COL25A1: variants seen among roughly 807,000 people sequenced by gnomAD.
COL25A1 encodes collagen alpha-1(XXV) chain.
COL25A1 carries 103 observed loss-of-function variants against 128.4 expected under a neutral mutation model. That is an observed-to-expected ratio of 0.80 (90% CI 0.68 to 0.94). The LOEUF (loss-of-function observed/expected upper bound fraction) is 0.94. Among genes scored for constraint, COL25A1 ranks in the 40% least tolerant of loss-of-function variants. COL25A1 has a pLI of 0.00. For synonymous variants in COL25A1, 279 were observed against 277.2 expected (o/e 1.01, Z -0.06); for missense variants, 745 against 840.0 (o/e 0.89, Z 1.40).
At chr4:108,984,188 G>T (rs898245149) in intron 6 of COL25A1, among the ~76,000 whole-genome samples, 3 of 152,174 alleles carry the variant, frequency 2.0e-5, no homozygotes, top group African/African-American at 4.8e-5. Flanking sequence ...CACAAACCCT[G>T]ACCTAGACAC....
intron 13 of COL25A1, among the ~76,000 whole-genome samples, chr4:108,905,520 A>AAAAAAT (rs894420136): frequency 2.0e-5 from 3 of 150,654 alleles, no homozygotes; most frequent in Non-Finnish European, 4.4e-5. Flanking sequence ...TATAATAATA[A>AAAAAAT]AAAAATAAAA....
At chr4:108,961,961 C>T (rs1312638664) in intron 8 of COL25A1, among the ~76,000 whole-genome samples, 2 of 151,780 alleles carry the variant, frequency 1.3e-5, no homozygotes, top group Non-Finnish European at 2.9e-5. Flanking sequence ...ATTTTTCTTC[C>T]CCTGCCAATA....
chr4:108,905,394 T>C (rs973605049), intron 13 of COL25A1, among the ~76,000 whole-genome samples: 5 of 151,978 alleles, frequency 3.3e-5, no homozygotes, highest in Non-Finnish European at 5.9e-5. Flanking sequence ...TAATTTTGAA[T>C]AGATAGAGTT....
intron 3 of COL25A1, among the ~76,000 whole-genome samples, chr4:109,192,870 A>C (rs913484237): frequency 6.6e-6 from 1 of 151,950 alleles, no homozygotes; most frequent in Non-Finnish European, 1.5e-5. Flanking sequence ...AAAAAAAAAA[A>C]AGAAAAGGGA....
intron 8 of COL25A1, among the ~76,000 whole-genome samples, chr4:108,954,302 T>C (rs571439768): frequency 6.6e-6 from 1 of 152,248 alleles, no homozygotes; most frequent in East Asian, 1.9e-4. Context: ...TTGGTTTTAA[T>C]TTCCTAGTTG....
chr4:109,267,851 AC>A (rs1781894740), intron 3 of COL25A1, among the ~76,000 whole-genome samples: 1 of 152,174 alleles, frequency 6.6e-6, no homozygotes. Flanking sequence ...GAGATACTTG[AC>A]CTACATAAAA....
chr4:109,049,075 A>C (rs1305264580), intron 4 of COL25A1, among the ~76,000 whole-genome samples: 1 of 152,146 alleles, frequency 6.6e-6, no homozygotes, highest in Non-Finnish European at 1.5e-5. Flanking sequence ...ATAAATTTTC[A>C]CAAATGCTTT....
intron 3 of COL25A1, among the ~76,000 whole-genome samples, chr4:109,165,187 G>A (rs1470465579): frequency 1.3e-5 from 2 of 152,104 alleles, no homozygotes; most frequent in African/African-American, 2.4e-5. Context: ...TTAATAATCA[G>A]GAAAGGGCGA....
intron 6 of COL25A1, among the ~76,000 whole-genome samples, chr4:108,996,289 GAAA>G (rs1237222386): frequency 7.3e-5 from 1 of 13,690 alleles, no homozygotes; most frequent in African/African-American, 1.2e-4. Context: ...AAGCAAATGG[GAAA>G]AAAAAAAAAA....
At chr4:109,200,276 T>C (rs1240511178) in intron 3 of COL25A1, among the ~76,000 whole-genome samples, 1 of 152,194 alleles carries the variant, frequency 6.6e-6, no homozygotes, top group Non-Finnish European at 1.5e-5. Context: ...GGAGTTAACT[T>C]CTTTTCACTG....
chr4:108,935,845 A>T (rs768521583), intron 11 of COL25A1, among the ~76,000 whole-genome samples: 1 of 152,182 alleles, frequency 6.6e-6, no homozygotes, highest in Non-Finnish European at 1.5e-5. Context: ...CTTGAGTAGA[A>T]GATAAGAATT....
rs1418311829 is a variant in COL25A1, at chr4:108,877,713, G to A, written c.1020+6465C>T. 3.3e-5 allele frequency among the ~76,000 whole-genome samples: 5 copies of A among 151,164 alleles called. No homozygotes were observed. In the East Asian group the frequency reaches 9.6e-4, roughly 29 times the overall value. ...AACTACCATCTCTAGAAGCCACAAG[G>A]GAAACAAACAAAAACTGGTCTTCTA... On this transcript the variant is annotated intron_variant, in intron 19 of 37. Transcript: ENST00000399132.
At chr4:109,300,342 C>A (rs550846482) in intron 3 of COL25A1, among the ~76,000 whole-genome samples, 5 of 152,122 alleles carry the variant, frequency 3.3e-5, no homozygotes, top group Non-Finnish European at 5.9e-5. Flanking sequence ...CATCACCTTG[C>A]CTATATTTTC....
At chr4:109,089,049 A>G (rs3108926) in intron 3 of COL25A1, among the ~76,000 whole-genome samples, 35,180 of 152,086 alleles carry the variant, frequency 0.23, 5,259 homozygotes, top group African/African-American at 0.4. Context: ...AAGGGGCTTC[A>G]CCTGCCCATG....
chr4:108,846,062 C>A, intron 28 of COL25A1, 77 bp downstream of exon 28: 1 of 964,052 alleles, frequency 1.0e-6, no homozygotes. Flanking sequence ...AATAATATAA[C>A]TCTTTTCTGA....
chr4:108,817,908 A>G (rs1284815506), intron 36 of COL25A1, among the ~76,000 whole-genome samples: 1 of 152,178 alleles, frequency 6.6e-6, no homozygotes, highest in Non-Finnish European at 1.5e-5. Context: ...TTCACATGCC[A>G]GTATTTTTCA....
intron 3 of COL25A1, among the ~76,000 whole-genome samples, chr4:109,287,487 A>G (rs1560984187): frequency 2.0e-5 from 3 of 152,228 alleles, no homozygotes; most frequent in Admixed American, 6.5e-5. Flanking sequence ...CATCCACAAT[A>G]TATCATTTTT....
At chr4:109,234,447 G>A (rs1448080039) in intron 3 of COL25A1, among the ~76,000 whole-genome samples, 2 of 152,108 alleles carry the variant, frequency 1.3e-5, no homozygotes, top group African/African-American at 4.8e-5. Context: ...TCAGAAAAGA[G>A]TAGGTCTATG....
At chr4:108,833,473 G>C (rs956949109) in intron 31 of COL25A1, among the ~76,000 whole-genome samples, 2 of 152,204 alleles carry the variant, frequency 1.3e-5, no homozygotes, top group African/African-American at 4.8e-5. Context: ...CAAGTTTTTA[G>C]AATTGAAAAG....
Sources: allele counts gnomAD v4.1 joint callset (sites outside exome capture counted in the v4.1 genomes callset), GRCh38; gene constraint gnomAD v4.1.1; transcripts MANE v1.5; gene names NCBI Gene and HGNC (gene_info 2026-07-23, HGNC 2026-07-21).